SLC5A7: variants seen among roughly 807,000 people sequenced by gnomAD.
SLC5A7 encodes solute carrier family 5 member 7, also known as high affinity choline transporter 1.
In SLC5A7, 19 loss-of-function variants were observed where a neutral mutation model predicts 55.4. The ratio of observed to expected loss-of-function variants is 0.34; its 90% CI spans 0.24 to 0.50. The LOEUF (loss-of-function observed/expected upper bound fraction) is 0.50, where lower values mean the gene tolerates loss of function less well. SLC5A7 is among the 20% of genes least tolerant of loss of function. The probability of loss-of-function intolerance (pLI) is 0.98; values close to 1 mark genes in which losing one functional copy is unlikely to be tolerated. For synonymous variants in SLC5A7, 265 were observed against 263.7 expected (o/e 1.00, Z -0.05); for missense variants, 506 against 705.3 (o/e 0.72, Z 3.20).
At chr2:107,998,403 T>C (rs1463862722) in intron 5 of SLC5A7, among the ~76,000 whole-genome samples, 1 of 152,202 alleles carries the variant, frequency 6.6e-6, no homozygotes, top group East Asian at 1.9e-4. Context: ...AATGATCCCA[T>C]TGGAAAACTG....
At chr2:107,988,891 A>G (rs1677342133) in intron 2 of SLC5A7, among the ~76,000 whole-genome samples, 1 of 152,326 alleles carries the variant, frequency 6.6e-6, no homozygotes, top group Middle Eastern at 3.4e-3. Flanking sequence ...CCTCACAGGA[A>G]GACAATCACA....
At chr2:107,991,692 G>T (rs888519516) in intron 2 of SLC5A7, among the ~76,000 whole-genome samples, 2 of 151,986 alleles carry the variant, frequency 1.3e-5, no homozygotes, top group African/African-American at 2.4e-5. Flanking sequence ...TTGAAATAAA[G>T]AAAATTTACC....
At chr2:107,992,935 C>A (rs1208317337) in intron 3 of SLC5A7, 37 bp from the exon 4 acceptor site, 9 of 1,604,106 alleles carry the variant, frequency 5.6e-6, no homozygotes, top group Admixed American at 1.7e-5. Flanking sequence ...ATATTACATT[C>A]TTTTTATTTT....
At chr2:107,990,107 A>C (rs1346411655) in intron 2 of SLC5A7, among the ~76,000 whole-genome samples, 1 of 152,238 alleles carries the variant, frequency 6.6e-6, no homozygotes, top group African/African-American at 2.4e-5. Context: ...ATAGAGATAA[A>C]AAATGTTGAT....
At position 107,988,058 on chromosome 2, in the gene SLC5A7, T is replaced by C. The variant is rs1003694525; in HGVS notation, c.-51-47T>C. Reference sequence around the variant, plus strand: ...TGGTTTATTCCTGGCTGCCTACATGTGCATAGTGCTTGACTGGTTTATAAT... The same window carrying C: ...TGGTTTATTCCTGGCTGCCTACATGCGCATAGTGCTTGACTGGTTTATAAT... On this transcript the variant is annotated intron_variant, in intron 1 of 8. Transcript: ENST00000264047. 7.1e-6 allele frequency: 9 copies of C among 1,269,314 alleles called. No homozygotes were observed. The East Asian group carries it at 9.4e-5, about 13-fold the overall frequency. 78.6% of individuals were successfully genotyped at this position (1,269,314 alleles called of 1,614,324 possible). A position where few individuals can be genotyped will look rare whatever the true frequency, so the allele number is the denominator to read the frequency against.
chr2:107,997,718 A>G lies in SLC5A7; in HGVS notation c.449-120A>G, dbSNP rs925403288. 8.0e-6 allele frequency: 8 copies of G among 996,208 alleles called. No individual in the cohort carries two copies. The African/African-American group carries it at 1.3e-4, about 16-fold the overall frequency. The allele number at this position is 996,208 out of a possible 1,614,324, so 61.7% of individuals were successfully genotyped here. On this transcript the variant is annotated intron_variant, in intron 4 of 8. Coordinates refer to ENST00000264047, the MANE Select transcript of SLC5A7 (RefSeq NM_021815.5). ...AAATTAACTTTAGGTGTTTTCATCC[A>G]CTGCATTTCATATGACAGAGAGAAA...
intron 8 of SLC5A7, among the ~76,000 whole-genome samples, chr2:108,009,136 T>G (rs934405533): frequency 1.9e-4 from 29 of 152,110 alleles, no homozygotes; most frequent in African/African-American, 7.0e-4. Context: ...CAGGAAGATA[T>G]CCTCTCAATT....
In SLC5A7 at chr2:107,992,134, T is replaced by C. The variant is rs1677475501; in HGVS notation, c.207T>C (p.Asn69=). The C allele has an allele frequency of 1.9e-6, 3 of 1,613,616 alleles. No homozygotes were observed. The highest frequency in any genetic ancestry group is 1.7e-6 in the Non-Finnish European group (2 of 1,179,664). The change falls in exon 3 of 9, where the codon AAT becomes AAC. Residue 69 remains asparagine (N), a synonymous_variant. Coordinates refer to ENST00000264047, the MANE Select transcript of SLC5A7 (RefSeq NM_021815.5). ...CCTGGGTCGGAGGAGGGTATATCAA[T>C]GGCACAGCTGAAGCAGTTTATGTAC... The part of the protein sequence containing the change: ...TATWVGGGYI[N]GTAEAVYVPG...
intron 2 of SLC5A7, among the ~76,000 whole-genome samples, chr2:107,990,753 T>A (rs1318374300): frequency 6.6e-6 from 1 of 152,222 alleles, no homozygotes; most frequent in East Asian, 1.9e-4. Flanking sequence ...TTCTTTGCTT[T>A]GTATTAGATT....
intron 3 of SLC5A7, 113 bp from the exon 4 acceptor site, chr2:107,992,859 C>A: frequency 8.9e-7 from 1 of 1,122,934 alleles, no homozygotes; most frequent in Non-Finnish European, 1.3e-6. Flanking sequence ...ACTTGTTCCT[C>A]AATCCATACA....
chr2:108,006,029 T>C lies in SLC5A7; in HGVS notation c.742-20T>C. 1 of 1,613,750 alleles carries C rather than the reference T, an allele frequency of 6.2e-7. No homozygotes were observed. Among genetic ancestry groups the C allele is most frequent in the South Asian group, 1.1e-5 (1 of 91,062 alleles). On this transcript the variant is annotated intron_variant, in intron 6 of 8. Coordinates refer to ENST00000264047, the MANE Select transcript of SLC5A7 (RefSeq NM_021815.5). ...AAATGAATAGATGTTTGCCTCTCCA[T>C]CCTTGTGTTTCCCGCACAGATGCTG...
rs779794468 is a variant in SLC5A7, at chr2:108,010,304, G to A, written c.1186G>A (p.Ala396Thr). The change falls in exon 9 of 9, where the codon GCC (alanine) becomes ACC (threonine). Residue 396 changes from alanine (A) to threonine (T), a missense_variant. Physicochemically the swap from Ala to Thr is moderately conservative, Grantham distance 58. Coordinates refer to ENST00000264047, the MANE Select transcript of SLC5A7 (RefSeq NM_021815.5). ...GTTTGGAGCATCTGCAACAGCCATG[G>A]CCTTGCTGACGAAAACTGTGTATGG... is the stretch of plus-strand genomic sequence containing the variant. ...FVFGASATAM[A>T]LLTKTVYGLW... 2 of 1,613,956 alleles carry A rather than the reference G, an allele frequency of 1.2e-6. No homozygotes were observed. The highest frequency in any genetic ancestry group is 1.7e-6 in the Non-Finnish European group (2 of 1,179,926).
intron 5 of SLC5A7, among the ~76,000 whole-genome samples, chr2:108,000,719 T>G (rs1677855597): frequency 6.6e-6 from 1 of 151,840 alleles, no homozygotes; most frequent in Non-Finnish European, 1.5e-5. Context: ...CTCAGCCTCC[T>G]GAGTAGCTGG....
At position 107,994,445 on chromosome 2, in the gene SLC5A7, T is replaced by C. The variant is rs894078674; in HGVS notation, c.448+1318T>C. Reference sequence around the variant, plus strand: ...AAAAATACAAAAAATTAGCCAGGCGTGGTGGCGGGCGCCTGTAGTCCCAGC... The same window carrying C: ...AAAAATACAAAAAATTAGCCAGGCGCGGTGGCGGGCGCCTGTAGTCCCAGC... On this transcript the variant is annotated intron_variant, in intron 4 of 8. Coordinates refer to ENST00000264047, the MANE Select transcript of SLC5A7 (RefSeq NM_021815.5). 7.9e-5 allele frequency among the ~76,000 whole-genome samples: 12 copies of C among 151,970 alleles called. No individual in the cohort carries two copies. In the South Asian group the frequency reaches 2.3e-3, roughly 29 times the overall value.
rs769523924 is a variant in SLC5A7, at chr2:108,010,812, A to T, written c.1694A>T (p.Asp565Val). Residue 565 changes from aspartate (D) to valine (V), a missense_variant, in exon 9 of 9, where the codon GAT becomes GTT. Physicochemically the swap from Asp to Val is radical, Grantham distance 152. This residue lies in a region of SLC5A7 where 137 missense variants were observed against 143.6 expected (regional missense o/e 0.95). Transcript: ENST00000264047. ...TTCACCAATAAAGAGGCCTTCCTTG[A>T]TGTTGATTCCAGTCCAGAAGGGTCT... The part of the protein sequence containing the change: ...STFTNKEAFL[D>V]VDSSPEGSGT... 1 of 1,611,426 alleles carries T rather than the reference A, an allele frequency of 6.2e-7. No homozygotes were observed. The highest frequency in any genetic ancestry group is 2.2e-5 in the East Asian group (1 of 44,854).
intron 6 of SLC5A7, among the ~76,000 whole-genome samples, chr2:108,004,108 T>G (rs778161251): frequency 6.6e-6 from 1 of 152,146 alleles, no homozygotes; most frequent in Non-Finnish European, 1.5e-5. Flanking sequence ...TTTCAACATA[T>G]GAATTTTAGG....
At position 108,012,374 on chromosome 2, in the gene SLC5A7, C is replaced by T. The variant is rs1678365274; in HGVS notation, c.*1513C>T. The T allele has an allele frequency of 6.6e-6, 1 of 152,084 alleles. No homozygotes were observed. Among genetic ancestry groups the T allele is most frequent in the South Asian group, 2.1e-4 (1 of 4,832 alleles). The allele number at this position is 152,084 out of a possible 1,614,324, so 9.4% of individuals were successfully genotyped here. On this transcript the variant is annotated 3_prime_UTR_variant, in exon 9 of 9. Coordinates refer to ENST00000264047, the MANE Select transcript of SLC5A7 (RefSeq NM_021815.5). ...CTAAAGCACTTCTTTTCCAAAAATA[C>T]TTCTGCAACTCATGAACAAAATGAA...
chr2:108,010,129 A>G lies in SLC5A7; in HGVS notation c.1114-103A>G, dbSNP rs1678261825. The stretch of plus-strand genomic sequence containing the variant: ...CATAGATTGAGCCATTTGAACCAGG[A>G]GAATTCTTTAGACCAGTTTTGAAGC... On this transcript the variant is annotated intron_variant, in intron 8 of 8. Coordinates refer to ENST00000264047, the MANE Select transcript of SLC5A7 (RefSeq NM_021815.5). 2.9e-6 allele frequency: 4 copies of G among 1,375,294 alleles called. No individual in the cohort carries two copies. In the Admixed American group the frequency reaches 7.2e-5, roughly 25 times the overall value. 85.2% of individuals were successfully genotyped at this position (1,375,294 alleles called of 1,614,324 possible).
intron 4 of SLC5A7, among the ~76,000 whole-genome samples, chr2:107,996,315 C>T (rs1677669405): frequency 6.6e-6 from 1 of 152,174 alleles, no homozygotes; most frequent in African/African-American, 2.4e-5. Flanking sequence ...TCATCCTTGT[C>T]TTCATTCTCC....
Sources: gnomAD v4.1 joint callset for allele counts (sites outside exome capture counted in the v4.1 genomes callset) on GRCh38, gnomAD v4.1.1 for gene constraint, gnomAD v4.1.1 regional missense constraint, MANE v1.5 for transcripts, NCBI Gene and HGNC (gene_info 2026-07-23, HGNC 2026-07-21) for gene names.